The following RAD54B variants were observed in gnomAD, a reference collection of about 807,000 sequenced individuals.
RAD54B encodes the protein RAD54 homolog B.
Under a neutral mutation model 95.8 loss-of-function variants are expected in RAD54B, and 78 were observed. The observed-to-expected ratio is 0.81, with a 90% CI of 0.68 to 0.98. The LOEUF (loss-of-function observed/expected upper bound fraction) is 0.98, where lower values mean the gene tolerates loss of function less well. RAD54B is among the 50% of genes least tolerant of loss of function. RAD54B has a pLI of 0.00. For synonymous variants in RAD54B, 328 were observed against 354.9 expected (o/e 0.92, Z 0.85); for missense variants, 957 against 1,056.6 (o/e 0.91, Z 1.31).
In RAD54B at chr8:94,458,265, T is replaced by TA. The variant is rs1812821296; in HGVS notation, c.304+2dup. 3.8e-6 allele frequency: 6 copies of TA among 1,592,278 alleles called. No individual in the cohort carries two copies. Among genetic ancestry groups the TA allele is most frequent in the Middle Eastern group, 3.4e-4 (2 of 5,968 alleles). On this transcript the variant is annotated splice_region_variant and intron_variant, in intron 3 of 14. Transcript: ENST00000336148. ...AAACCTTATCAATAAAAAGCAGTCTTACCTGTATGAGGTGGATCTAATGTT... is the reference window on the plus strand; with the variant it reads ...AAACCTTATCAATAAAAAGCAGTCTTAACCTGTATGAGGTGGATCTAATGTT...
chr8:94,464,726 G>A (rs757405426), intron 2 of RAD54B, among the ~76,000 whole-genome samples: 1 of 152,138 alleles, frequency 6.6e-6, no homozygotes, highest in African/African-American at 2.4e-5. Context: ...TTGCTATAAA[G>A]GAATACCTGA....
intron 8 of RAD54B, 138 bp from the exon 9 acceptor site, chr8:94,394,020 T>G (rs371553335): frequency 1.8e-5 from 14 of 762,024 alleles, no homozygotes; most frequent in South Asian, 1.6e-4. Context: ...TGCCTAAAAC[T>G]AAGAAAGAGC....
rs2129949099 is a variant in RAD54B at position 94,378,202 on chromosome 8, A to G, written c.2493T>C (p.Cys831=). The G allele has an allele frequency of 1.2e-6, 2 of 1,611,582 alleles. No individual in the cohort carries two copies. The highest frequency in any genetic ancestry group is 1.7e-6 in the Non-Finnish European group (2 of 1,179,108). ...CVTHDLLDCE[C]TGEEVHTGDS... ...AACCTGTATGAACTTCTTCTCCTGT[A>G]CACTCACAGTCAAGCAGATCATGAG... The change falls in exon 14 of 15, where the codon TGT becomes TGC. Residue 831 remains cysteine (C), a synonymous_variant. Coordinates refer to ENST00000336148, the MANE Select transcript of RAD54B (RefSeq NM_012415.3).
intron 3 of RAD54B, among the ~76,000 whole-genome samples, chr8:94,457,640 CA>C (rs1812809625): frequency 6.6e-6 from 1 of 152,172 alleles, no homozygotes; most frequent in Admixed American, 6.5e-5. Context: ...TTCATTCAAC[CA>C]AAACATGAAT....
chr8:94,469,385 G>GCTT, intron 1 of RAD54B, among the ~76,000 whole-genome samples: 1 of 152,302 alleles, frequency 6.6e-6, no homozygotes, highest in Admixed American at 6.5e-5. Flanking sequence ...GACGTGGCTT[G>GCTT]CTTCTCCTTT....
At chr8:94,432,491 T>A in intron 3 of RAD54B, 1 of 1,550,648 alleles carries the variant, frequency 6.4e-7, no homozygotes, top group Non-Finnish European at 8.7e-7. Flanking sequence ...ATTCATGTTC[T>A]TCTCTTTGCT....
At chr8:94,431,234 A>C in intron 3 of RAD54B, 1 of 957,234 alleles carries the variant, frequency 1.0e-6, no homozygotes, top group African/African-American at 1.8e-5. Context: ...TCTGATTTTT[A>C]CTGTGAAAGA....
intron 1 of RAD54B, among the ~76,000 whole-genome samples, chr8:94,469,470 T>A (rs979574855): frequency 1.3e-5 from 2 of 152,348 alleles, no homozygotes; most frequent in East Asian, 1.9e-4. Flanking sequence ...CCTAATAAAT[T>A]ACCCAGTCTT....
chr8:94,461,392 C>T (rs771545998), intron 2 of RAD54B, among the ~76,000 whole-genome samples: 1 of 151,496 alleles, frequency 6.6e-6, no homozygotes, highest in Non-Finnish European at 1.5e-5. Context: ...TGGTCTCAAA[C>T]TCCTGACCTC....
At chr8:94,443,512 A>G (rs2130140479) in intron 3 of RAD54B, among the ~76,000 whole-genome samples, 1 of 151,972 alleles carries the variant, frequency 6.6e-6, no homozygotes, top group South Asian at 2.1e-4. Flanking sequence ...CCAAGGGAAT[A>G]AAATGAAATT....
chr8:94,409,954 C>T (rs2450571), intron 4 of RAD54B, among the ~76,000 whole-genome samples: 1 of 152,060 alleles, frequency 6.6e-6, no homozygotes, highest in Admixed American at 6.5e-5. Flanking sequence ...TGTGTACTAT[C>T]TATTTTTCTT....
chr8:94,422,399 C>G (rs113281960), intron 3 of RAD54B, among the ~76,000 whole-genome samples: 9 of 150,518 alleles, frequency 6.0e-5, no homozygotes, highest in African/African-American at 2.0e-4. Flanking sequence ...CCAGCCTGGC[C>G]AACGTGGCGA....
chr8:94,431,311 T>C (rs934076728), intron 3 of RAD54B: 76 of 976,344 alleles, frequency 7.8e-5, no homozygotes, highest in Non-Finnish European at 8.4e-5. Context: ...AGCCAAAATA[T>C]ATAATAGCTT....
At chr8:94,430,938 C>T (rs1453357406) in intron 3 of RAD54B, 8 of 985,172 alleles carry the variant, frequency 8.1e-6, no homozygotes, top group Non-Finnish European at 9.6e-6. Flanking sequence ...TGCTTATATA[C>T]TCAATCCACT....
intron 3 of RAD54B, among the ~76,000 whole-genome samples, chr8:94,453,088 C>T (rs959587572): frequency 6.6e-6 from 1 of 152,102 alleles, no homozygotes; most frequent in African/African-American, 2.4e-5. Context: ...TATTTATGAA[C>T]ATAGTCTCCT....
At position 94,399,460 on chromosome 8, in the gene RAD54B, A is replaced by C; in HGVS notation, c.1332T>G (p.Thr444=). The C allele has an allele frequency of 6.2e-7, 1 of 1,613,658 alleles. No individual in the cohort carries two copies. Among genetic ancestry groups the C allele is most frequent in the Non-Finnish European group, 8.5e-7 (1 of 1,179,666 alleles). ...HRLKNSAIKT[T]TALISLSCEK... ...CACAAGAAAGGCTAATGAGGGCTGT[A>C]GTTGTCTTAATGGCACTGTTCTTCA... is the stretch of plus-strand genomic sequence containing the variant. Residue 444 remains threonine, a synonymous_variant, in exon 8 of 15, where the codon ACT becomes ACG. Transcript: ENST00000336148.
At chr8:94,430,356 C>T (rs796507573) in intron 3 of RAD54B, 2 of 979,268 alleles carry the variant, frequency 2.0e-6, no homozygotes, top group African/African-American at 3.5e-5. Flanking sequence ...AATCTGGTAT[C>T]AACCATCATC....
chr8:94,414,640 C>T (rs952493453), intron 3 of RAD54B, among the ~76,000 whole-genome samples: 10 of 151,984 alleles, frequency 6.6e-5, no homozygotes, highest in African/African-American at 1.2e-4. Flanking sequence ...TATTGATTTG[C>T]GTATATTGAA....
chr8:94,390,597 T>C lies in RAD54B; in HGVS notation c.1809+1012A>G, dbSNP rs529158305. ...AGATTATATATAGAGATTTTATATATAATATATATACATATATACATATAT... is the reference window on the plus strand; with the variant it reads ...AGATTATATATAGAGATTTTATATACAATATATATACATATATACATATAT... On this transcript the variant is annotated intron_variant, in intron 10 of 14. Coordinates refer to ENST00000336148, the MANE Select transcript of RAD54B (RefSeq NM_012415.3). Among the ~76,000 whole-genome samples, 3 of 148,120 alleles carry C rather than the reference T, an allele frequency of 2.0e-5. No homozygotes were observed. In the East Asian group the frequency reaches 5.8e-4, roughly 29 times the overall value.
Sources: gnomAD v4.1 joint callset for allele counts (sites outside exome capture counted in the v4.1 genomes callset) on GRCh38, gnomAD v4.1.1 for gene constraint, MANE v1.5 for transcripts, NCBI Gene and HGNC (gene_info 2026-07-23, HGNC 2026-07-21) for gene names.